The following TRIO variants were observed in gnomAD, a reference collection of about 807,000 sequenced individuals.
The protein encoded by TRIO is triple functional domain protein.
A neutral mutation model predicts 351.9 loss-of-function variants in TRIO; 58 were observed. That is an observed-to-expected ratio of 0.16 (90% CI 0.13 to 0.21). The LOEUF (loss-of-function observed/expected upper bound fraction) is 0.21. TRIO is among the 10% of genes least tolerant of loss of function. The pLI is 1.00. For missense variants in TRIO, 3,201 were observed against 4,027.8 expected (o/e 0.79, Z 5.56); for synonymous variants, 1,758 against 1,595.7 (o/e 1.10, Z -2.42).
intron 1 of TRIO, among the ~76,000 whole-genome samples, chr5:14,254,688 T>C (rs1452047527): frequency 6.6e-6 from 1 of 152,168 alleles, no homozygotes; most frequent in African/African-American, 2.4e-5. Context: ...GTAGCATAAG[T>C]GGGTTATTGT....
chr5:14,487,115 G>A (rs937482647), intron 47 of TRIO, among the ~76,000 whole-genome samples: 2 of 152,110 alleles, frequency 1.3e-5, no homozygotes, highest in African/African-American at 4.8e-5. Context: ...GCAGCCCCAG[G>A]GTTTCTTTTT....
At chr5:14,288,560 G>C (rs1736641549) in intron 4 of TRIO, among the ~76,000 whole-genome samples, 1 of 152,090 alleles carries the variant, frequency 6.6e-6, no homozygotes, top group African/African-American at 2.4e-5. Flanking sequence ...CCAGCTACTT[G>C]GGAGGCTGAG....
chr5:14,427,448 C>G (rs1400286626), intron 34 of TRIO, among the ~76,000 whole-genome samples: 1 of 152,214 alleles, frequency 6.6e-6, no homozygotes, highest in African/African-American at 2.4e-5. Context: ...CCTCACTGCT[C>G]GTGTTCCCAG....
chr5:14,261,952 A>G (rs963895893), intron 1 of TRIO, among the ~76,000 whole-genome samples: 1 of 152,240 alleles, frequency 6.6e-6, no homozygotes, highest in Non-Finnish European at 1.5e-5. Flanking sequence ...AGCTTTTCAA[A>G]GGAGTTTTTA....
intron 1 of TRIO, among the ~76,000 whole-genome samples, chr5:14,165,460 G>A (rs887846944): frequency 3.3e-5 from 5 of 152,166 alleles, no homozygotes; most frequent in East Asian, 1.9e-4. Context: ...TAATCAATGC[G>A]TAGTATTCCA....
At chr5:14,480,726 G>C (rs993075427) in intron 43 of TRIO, among the ~76,000 whole-genome samples, 1 of 152,216 alleles carries the variant, frequency 6.6e-6, no homozygotes, top group African/African-American at 2.4e-5. Flanking sequence ...CTGACTCTGT[G>C]TACTGCAGCT....
chr5:14,179,703 T>C (rs576239924), intron 1 of TRIO, among the ~76,000 whole-genome samples: 1 of 152,342 alleles, frequency 6.6e-6, no homozygotes, highest in East Asian at 1.9e-4. Flanking sequence ...CCCAGCGTGC[T>C]GGAATTATAG....
At chr5:14,421,075 ACT>A (rs1281754852) in intron 34 of TRIO, among the ~76,000 whole-genome samples, 1 of 151,906 alleles carries the variant, frequency 6.6e-6, no homozygotes, top group African/African-American at 2.4e-5. Flanking sequence ...CTGGAAAGTC[ACT>A]CTGCCCCTCA....
At chr5:14,453,735 C>T (rs1753020307) in intron 34 of TRIO, among the ~76,000 whole-genome samples, 1 of 152,158 alleles carries the variant, frequency 6.6e-6, no homozygotes, top group Admixed American at 6.5e-5. Context: ...GGCCTTGGAT[C>T]AGCGGGTTTC....
chr5:14,278,442 C>T (rs1735726231), intron 2 of TRIO, among the ~76,000 whole-genome samples: 1 of 152,162 alleles, frequency 6.6e-6, no homozygotes, highest in Non-Finnish European at 1.5e-5. Flanking sequence ...TGCTGCATTT[C>T]AAACACATTT....
At chr5:14,475,522 C>T (rs1755007946) in intron 40 of TRIO, among the ~76,000 whole-genome samples, 1 of 152,214 alleles carries the variant, frequency 6.6e-6, no homozygotes, top group Admixed American at 6.5e-5. Flanking sequence ...CTTCTCCCTC[C>T]TAACAGAATG....
chr5:14,150,773 A>G (rs1266959329), intron 1 of TRIO, among the ~76,000 whole-genome samples: 1 of 152,230 alleles, frequency 6.6e-6, no homozygotes. Context: ...TATCGATTTG[A>G]AAGATAGTAA....
rs1579873761 is a variant in TRIO, at chr5:14,509,668, G to C, written c.*1246G>C. 2 of 330,322 alleles carry C rather than the reference G, an allele frequency of 6.1e-6. No homozygotes were observed. Among genetic ancestry groups the C allele is most frequent in the Non-Finnish European group, 1.2e-5 (2 of 172,156 alleles). The allele number at this position is 330,322 out of a possible 1,614,324, so 20.5% of individuals were successfully genotyped here. ...TGGCTGGGTTTTGAGCTTTTGGTAA[G>C]AAATAAAAGCCGATTAAGCACTGGC... On this transcript the variant is annotated 3_prime_UTR_variant, in exon 57 of 57. Coordinates refer to ENST00000344204, the MANE Select transcript of TRIO (RefSeq NM_007118.4).
At chr5:14,351,961 G>C (rs1413872689) in intron 11 of TRIO, among the ~76,000 whole-genome samples, 1 of 152,250 alleles carries the variant, frequency 6.6e-6, no homozygotes, top group South Asian at 2.1e-4. Flanking sequence ...TCCCTTTCCA[G>C]GTAGTGAGGA....
intron 10 of TRIO, among the ~76,000 whole-genome samples, chr5:14,333,015 G>A (rs1372177496): frequency 6.6e-6 from 1 of 152,158 alleles, no homozygotes; most frequent in Non-Finnish European, 1.5e-5. Flanking sequence ...TTCAGCTGCA[G>A]GACCAGTTTT....
At chr5:14,488,598 C>T (rs1273711079) in intron 48 of TRIO, 7 of 494,078 alleles carry the variant, frequency 1.4e-5, no homozygotes, top group Non-Finnish European at 2.5e-5. Context: ...TGGAGGGTTC[C>T]TTTTCCCTGC....
At chr5:14,456,057 G>A (rs140674600) in intron 34 of TRIO, among the ~76,000 whole-genome samples, 4,365 of 152,362 alleles carry the variant, frequency 0.029, 88 homozygotes, top group South Asian at 0.047. Flanking sequence ...CGGTGCGGGC[G>A]GGCTGGCTGG....
intron 34 of TRIO, among the ~76,000 whole-genome samples, chr5:14,427,476 G>T (rs1462548960): frequency 6.6e-6 from 1 of 152,138 alleles, no homozygotes; most frequent in Non-Finnish European, 1.5e-5. Flanking sequence ...CAGCACGGGG[G>T]ATACGCCGGT....
rs76890989 is a variant in TRIO, at chr5:14,490,716, A to G, written c.7633-1851A>G. 2,042 of 449,792 alleles carry G rather than the reference A, an allele frequency of 4.5e-3. 9 individuals carry two copies. Among genetic ancestry groups the G allele is most frequent in the Middle Eastern group, 0.013 (21 of 1,568 alleles). 27.9% of individuals were successfully genotyped at this position (449,792 alleles called of 1,614,324 possible). A position where few individuals can be genotyped will look rare whatever the true frequency, so the allele number is the denominator to read the frequency against. ...AGGATAGACTTGAAATGCCTAGTAC[A>G]TAGGAGATGCCCAGAAAATACTAAT... On this transcript the variant is annotated intron_variant, in intron 48 of 56. Transcript: ENST00000344204.
Sources: allele counts gnomAD v4.1 joint callset (sites outside exome capture counted in the v4.1 genomes callset), GRCh38; gene constraint gnomAD v4.1.1; transcripts MANE v1.5; gene names NCBI Gene and HGNC (gene_info 2026-07-23, HGNC 2026-07-21).